The following GXYLT1 variants were observed in gnomAD, a reference collection of about 807,000 sequenced individuals.
GXYLT1 encodes glycosyltransferase 8 domain containing 3.
A neutral mutation model predicts 54.0 loss-of-function variants in GXYLT1; 29 were observed. The observed-to-expected ratio is 0.54, with a 90% CI of 0.40 to 0.73. GXYLT1 has a LOEUF of 0.73. Among genes scored for constraint, GXYLT1 ranks in the 30% least tolerant of loss-of-function variants. The pLI, the probability that GXYLT1 is intolerant of heterozygous loss-of-function variation, is 0.00. For synonymous variants in GXYLT1, 176 were observed against 204.1 expected (o/e 0.86, Z 1.17); for missense variants, 490 against 553.4 (o/e 0.89, Z 1.15).
chr12:42,128,887 G>A (rs535289213), intron 2 of GXYLT1, among the ~76,000 whole-genome samples: 23 of 151,904 alleles, frequency 1.5e-4, no homozygotes, highest in Non-Finnish European at 2.8e-4. Context: ...TGTTGCCCAG[G>A]CTGGTCTTGA....
At chr12:42,104,280 A>ACAGCAC (rs2065406467) in intron 5 of GXYLT1, among the ~76,000 whole-genome samples, 1 of 149,126 alleles carries the variant, frequency 6.7e-6, no homozygotes, top group Non-Finnish European at 1.5e-5. Flanking sequence ...AGATAATCTT[A>ACAGCAC]CAGCACCATC....
At chr12:42,103,558 A>G (rs183576402) in intron 5 of GXYLT1, among the ~76,000 whole-genome samples, 241 of 152,368 alleles carry the variant, frequency 1.6e-3, no homozygotes, top group African/African-American at 5.6e-3. Context: ...CTATAGATAT[A>G]AAGATCAAGA....
chr12:42,142,301 T>C (rs2065656120), intron 1 of GXYLT1, among the ~76,000 whole-genome samples: 1 of 152,126 alleles, frequency 6.6e-6, no homozygotes. Context: ...AGGTTAGGGA[T>C]TTCTATACCG....
chr12:42,118,409 TTTGACAAA>T (rs1294146299), intron 3 of GXYLT1, among the ~76,000 whole-genome samples: 1 of 152,196 alleles, frequency 6.6e-6, no homozygotes, highest in Non-Finnish European at 1.5e-5. Flanking sequence ...AACCTCCATT[TTTGACAAA>T]GAACTTACTT....
chr12:42,138,271 A>G (rs967149303), intron 1 of GXYLT1, among the ~76,000 whole-genome samples: 7 of 152,256 alleles, frequency 4.6e-5, no homozygotes, highest in Non-Finnish European at 1.0e-4. Flanking sequence ...TGGGTGACAG[A>G]GACTGCGTCT....
At chr12:42,141,621 T>C (rs1291763912) in intron 1 of GXYLT1, among the ~76,000 whole-genome samples, 1 of 152,196 alleles carries the variant, frequency 6.6e-6, no homozygotes, top group Non-Finnish European at 1.5e-5. Flanking sequence ...TATATGTATG[T>C]CAAACTATCA....
At chr12:42,126,322 G>A (rs952373302) in intron 2 of GXYLT1, among the ~76,000 whole-genome samples, 8 of 152,142 alleles carry the variant, frequency 5.3e-5, no homozygotes, top group East Asian at 3.9e-4. Flanking sequence ...CGATCGGCAC[G>A]CCTTGGCCTC....
At chr12:42,096,915 G>C (rs1056044731) in intron 7 of GXYLT1, among the ~76,000 whole-genome samples, 4 of 152,062 alleles carry the variant, frequency 2.6e-5, no homozygotes, top group African/African-American at 9.7e-5. Context: ...TTCTGAGCAG[G>C]CATGTATATC....
chr12:42,120,385 G>A (rs538868858), intron 2 of GXYLT1, among the ~76,000 whole-genome samples: 2 of 152,296 alleles, frequency 1.3e-5, no homozygotes, highest in South Asian at 2.1e-4. Context: ...AAACATGCTA[G>A]TCAAACACTA....
At chr12:42,093,611 G>A (rs1333949177) in intron 7 of GXYLT1, among the ~76,000 whole-genome samples, 1 of 152,120 alleles carries the variant, frequency 6.6e-6, no homozygotes, top group Non-Finnish European at 1.5e-5. Flanking sequence ...AGAAAATTCA[G>A]AAATTACAAA....
chr12:42,100,339 T>C (rs1190397853), intron 5 of GXYLT1, among the ~76,000 whole-genome samples: 2 of 152,184 alleles, frequency 1.3e-5, no homozygotes, highest in Non-Finnish European at 2.9e-5. Flanking sequence ...TTAGAAACTT[T>C]TACAGCAAGT....
At chr12:42,103,735 A>G (rs1305527879) in intron 5 of GXYLT1, among the ~76,000 whole-genome samples, 1 of 152,216 alleles carries the variant, frequency 6.6e-6, no homozygotes, top group Non-Finnish European at 1.5e-5. Flanking sequence ...TGTGAAGTAA[A>G]TTATACCTGC....
At chr12:42,096,040 T>C (rs1019573837) in intron 7 of GXYLT1, among the ~76,000 whole-genome samples, 4 of 152,084 alleles carry the variant, frequency 2.6e-5, no homozygotes, top group African/African-American at 7.2e-5. Flanking sequence ...AATGACAAAA[T>C]GTGTTGATGA....
intron 7 of GXYLT1, among the ~76,000 whole-genome samples, chr12:42,089,386 A>G (rs2065316382): frequency 6.6e-6 from 1 of 151,484 alleles, no homozygotes; most frequent in Non-Finnish European, 1.5e-5. Context: ...TACCTAATGT[A>G]AATGACGAGT....
rs1346956867 is a variant in GXYLT1, at chr12:42,087,578, T to C, written c.*208A>G. 4.2e-6 allele frequency: 2 copies of C among 477,824 alleles called. No homozygotes were observed. The highest frequency in any genetic ancestry group is 7.4e-6 in the Non-Finnish European group (2 of 271,714). 29.6% of individuals were successfully genotyped at this position (477,824 alleles called of 1,614,324 possible). A position where few individuals can be genotyped will look rare whatever the true frequency, so the allele number is the denominator to read the frequency against. On this transcript the variant is annotated 3_prime_UTR_variant, in exon 8 of 8. Coordinates refer to ENST00000398675, the MANE Select transcript of GXYLT1 (RefSeq NM_173601.2). ...TGATAGCAAGTAACATTACAAAACA[T>C]CAGAGATAAAAAATGTTCAATGTTG...
intron 5 of GXYLT1, among the ~76,000 whole-genome samples, chr12:42,098,263 G>A (rs1222505578): frequency 6.6e-6 from 1 of 152,156 alleles, no homozygotes; most frequent in Admixed American, 6.5e-5. Context: ...AGTAAGTCAC[G>A]AAAGAAAGCG....
chr12:42,136,908 G>C lies in GXYLT1; in HGVS notation c.222-7057C>G, dbSNP rs529535791. On this transcript the variant is annotated intron_variant, in intron 1 of 7. Transcript: ENST00000398675. ...CCCACCTCAACCTCTGGAGTAGCTGGGACCACAGGCGCACACCACTATGCC... is the reference window on the plus strand; with the variant it reads ...CCCACCTCAACCTCTGGAGTAGCTGCGACCACAGGCGCACACCACTATGCC... 1.4e-4 allele frequency among the ~76,000 whole-genome samples: 22 copies of C among 152,016 alleles called. No individual in the cohort carries two copies. In the East Asian group the frequency reaches 4.3e-3, roughly 29 times the overall value.
chr12:42,122,835 C>A (rs1333475337), intron 2 of GXYLT1, among the ~76,000 whole-genome samples: 1 of 152,140 alleles, frequency 6.6e-6, no homozygotes, highest in African/African-American at 2.4e-5. Context: ...GATAAAAGCA[C>A]TGTTACAGTG....
intron 2 of GXYLT1, 40 bp from the exon 3 acceptor site, chr12:42,119,211 A>G (rs765726336): frequency 2.0e-6 from 3 of 1,465,776 alleles, no homozygotes. Flanking sequence ...CAGTTTTAGT[A>G]TATGTTTACA....
Sources: gnomAD v4.1 joint callset for allele counts (sites outside exome capture counted in the v4.1 genomes callset) on GRCh38, gnomAD v4.1.1 for gene constraint, MANE v1.5 for transcripts, NCBI Gene and HGNC (gene_info 2026-07-23, HGNC 2026-07-21) for gene names.